Variants in EML6 observed in about 807,000 individuals in gnomAD.
EML6 encodes the protein EMAP like 6.
A neutral mutation model predicts 240.1 loss-of-function variants in EML6; 154 were observed. The ratio of observed to expected loss-of-function variants is 0.64; its 90% CI spans 0.56 to 0.73. The LOEUF (loss-of-function observed/expected upper bound fraction) is 0.73. Ranked by LOEUF, EML6 falls within the 30% of genes least tolerant of loss-of-function variation. EML6 has a pLI of 0.00. For synonymous variants in EML6, 1,148 were observed against 899.0 expected (o/e 1.28, Z -4.95); for missense variants, 2,964 against 2,474.6 (o/e 1.20, Z -4.20).
chr2:54,856,486 GC>G (rs1417766657), intron 11 of EML6, among the ~76,000 whole-genome samples: 2 of 152,178 alleles, frequency 1.3e-5, no homozygotes, highest in Non-Finnish European at 2.9e-5. Flanking sequence ...ATGACACATG[GC>G]CTATGGACAG....
intron 4 of EML6, among the ~76,000 whole-genome samples, chr2:54,819,423 C>T (rs1391972666): frequency 6.6e-6 from 1 of 152,144 alleles, no homozygotes; most frequent in African/African-American, 2.4e-5. Flanking sequence ...TTGACCTTTT[C>T]CTTCTTGTCT....
chr2:54,795,369 C>T (rs1166010069), intron 2 of EML6, among the ~76,000 whole-genome samples: 1 of 152,168 alleles, frequency 6.6e-6, no homozygotes, highest in Non-Finnish European at 1.5e-5. Context: ...AAATCACTAT[C>T]ACGAGAACAC....
chr2:54,854,906 C>T (rs1179977021), intron 11 of EML6, among the ~76,000 whole-genome samples: 1 of 152,136 alleles, frequency 6.6e-6, no homozygotes, highest in Non-Finnish European at 1.5e-5. Context: ...AGTTAGGCCT[C>T]CAAGAAAGTA....
At chr2:54,783,496 T>C (rs1668944252) in intron 2 of EML6, among the ~76,000 whole-genome samples, 1 of 152,198 alleles carries the variant, frequency 6.6e-6, no homozygotes, top group Non-Finnish European at 1.5e-5. Flanking sequence ...TGTAGTTGAT[T>C]TTAGATTTAA....
chr2:54,920,802 C>T (rs2104346290), intron 26 of EML6, among the ~76,000 whole-genome samples: 1 of 152,144 alleles, frequency 6.6e-6, no homozygotes, highest in Non-Finnish European at 1.5e-5. Flanking sequence ...TTAAAAAGAT[C>T]ATACACCATG....
intron 2 of EML6, among the ~76,000 whole-genome samples, chr2:54,793,870 C>T (rs1382094022): frequency 6.6e-6 from 1 of 152,136 alleles, no homozygotes; most frequent in East Asian, 1.9e-4. Context: ...GGTCTTTTCT[C>T]TTCCTTCCCC....
chr2:54,820,414 T>G lies in EML6; in HGVS notation c.477T>G (p.Asp159Glu). The change falls in exon 5 of 42, where the codon GAT becomes GAG. Residue 159 changes from aspartate (D) to glutamate (E), a missense_variant. Asp to Glu is a conservative substitution (Grantham distance 45, BLOSUM62 2). Coordinates refer to ENST00000356458, the MANE Select transcript of EML6 (RefSeq NM_001039753.4). ...AACAGATTTTTGATATTTCCTGGGA[T>G]CCATATCAGCCAAACAGAGTGGTTA... ...HSDRIFDISW[D>E]PYQPNRVVSC... The G allele has an allele frequency of 6.5e-7, 1 of 1,549,874 alleles. No homozygotes were observed. Among genetic ancestry groups the G allele is most frequent in the Non-Finnish European group, 8.7e-7 (1 of 1,145,520 alleles).
intron 17 of EML6, among the ~76,000 whole-genome samples, chr2:54,887,447 T>A (rs1430971707): frequency 1.5e-4 from 23 of 152,224 alleles, no homozygotes; most frequent in African/African-American, 5.5e-4. Context: ...AACTTGCTGA[T>A]TTTTTTCCCA....
intron 2 of EML6, among the ~76,000 whole-genome samples, chr2:54,794,753 A>G (rs762111090): frequency 6.1e-4 from 93 of 152,214 alleles, no homozygotes; most frequent in Non-Finnish European, 6.8e-4. Context: ...ACAAGTGTTC[A>G]GCTTACAAAA....
At chr2:54,727,552 C>T (rs999866271) in intron 2 of EML6, among the ~76,000 whole-genome samples, 3 of 152,186 alleles carry the variant, frequency 2.0e-5, no homozygotes, top group African/African-American at 7.2e-5. Context: ...TAATTCGTTT[C>T]TGTGTATCCC....
rs554302283 is a variant in EML6, at chr2:54,817,967, G to A, written c.456+1082G>A. ...CTGGAAGAGGCCTGGTACCCCTCTC[G>A]TCCAGTAGTTCCCAATCCTGGCTAC... On this transcript the variant is annotated intron_variant, in intron 4 of 41. Coordinates refer to ENST00000356458, the MANE Select transcript of EML6 (RefSeq NM_001039753.4). Among the ~76,000 whole-genome samples the A allele has an allele frequency of 1.2e-4, 18 of 151,956 alleles. 1 individual carries two copies. In the South Asian group the frequency reaches 3.1e-3, roughly 26 times the overall value.
At chr2:54,833,737 G>A (rs1292236241) in intron 7 of EML6, among the ~76,000 whole-genome samples, 1 of 152,156 alleles carries the variant, frequency 6.6e-6, no homozygotes, top group Non-Finnish European at 1.5e-5. Flanking sequence ...GTGAGTTATT[G>A]CATTTTTGCT....
In EML6 at chr2:54,853,650, G is replaced by T; in HGVS notation, c.1452G>T (p.Lys484Asn). Residue 484 changes from lysine to asparagine, a missense_variant, in exon 11 of 42, where the codon AAG (lysine) becomes AAT (asparagine). Transcript: ENST00000356458. ...ERLFYRMPSG[K>N]PLTSKEEIKG... is the part of the protein sequence containing the mutation. ...AATATTGATTATTTTCAGCTGGGAA[G>T]CCTTTAACAAGTAAAGAAGAAATTA... 6.5e-7 allele frequency: 1 copy of T among 1,536,366 alleles called. No individual in the cohort carries two copies. Among genetic ancestry groups the T allele is most frequent in the East Asian group, 2.5e-5 (1 of 40,668 alleles).
At chr2:54,786,914 G>A (rs2103877604) in intron 2 of EML6, among the ~76,000 whole-genome samples, 1 of 152,302 alleles carries the variant, frequency 6.6e-6, no homozygotes, top group African/African-American at 2.4e-5. Context: ...TTCTTTTGGT[G>A]TGTAAGCCTT....
chr2:54,901,410 T>C (rs1250171296), intron 22 of EML6, among the ~76,000 whole-genome samples: 8 of 152,230 alleles, frequency 5.3e-5, no homozygotes. Context: ...TCATTTTGGC[T>C]ACTAGTTTAT....
intron 9 of EML6, among the ~76,000 whole-genome samples, chr2:54,848,524 T>TACACACACACACACAC (rs59587579): frequency 0.075 from 10,939 of 145,726 alleles, 441 homozygotes; most frequent in Admixed American, 0.09. Context: ...GCTTCCACAC[T>TACACACACACACACAC]ACACACACAC....
intron 5 of EML6, among the ~76,000 whole-genome samples, chr2:54,821,902 A>C (rs1443188568): frequency 6.7e-6 from 1 of 150,248 alleles, no homozygotes; most frequent in Non-Finnish European, 1.5e-5. Context: ...AAATTGGAGA[A>C]AGATTTTTTT....
intron 7 of EML6, among the ~76,000 whole-genome samples, chr2:54,830,184 G>A (rs183163328): frequency 4.1e-4 from 62 of 152,310 alleles, no homozygotes; most frequent in Admixed American, 9.1e-4. Flanking sequence ...TGGTAGGCCT[G>A]TTACCTTTTG....
intron 28 of EML6, among the ~76,000 whole-genome samples, chr2:54,930,670 C>T (rs1674806654): frequency 6.6e-6 from 1 of 152,100 alleles, no homozygotes; most frequent in African/African-American, 2.4e-5. Flanking sequence ...AGTAATCAAA[C>T]CTTTTCTGTA....
Sources: allele counts gnomAD v4.1 joint callset (sites outside exome capture counted in the v4.1 genomes callset), GRCh38; gene constraint gnomAD v4.1.1; transcripts MANE v1.5; gene names NCBI Gene and HGNC (gene_info 2026-07-23, HGNC 2026-07-21).